The following GPC6 variants were observed in gnomAD, a reference collection of about 807,000 sequenced individuals.
GPC6 encodes the protein glypican 6, also known as glypican-6.
Under a neutral mutation model 55.2 loss-of-function variants are expected in GPC6, and 14 were observed. The observed-to-expected ratio is 0.25, with a 90% CI of 0.17 to 0.40. GPC6 has a LOEUF of 0.40. Ranked by LOEUF, GPC6 falls within the 10% of genes least tolerant of loss-of-function variation. The probability of loss-of-function intolerance (pLI) is 1.00; values close to 1 mark genes in which losing one functional copy is unlikely to be tolerated. For synonymous variants in GPC6, 278 were observed against 259.6 expected (o/e 1.07, Z -0.68); for missense variants, 641 against 708.5 (o/e 0.90, Z 1.08).
At chr13:94,345,445 A>G (rs1303209742) in intron 6 of GPC6, among the ~76,000 whole-genome samples, 1 of 152,210 alleles carries the variant, frequency 6.6e-6, no homozygotes, top group Non-Finnish European at 1.5e-5. Flanking sequence ...CAATTTACCA[A>G]ATCGTTACTA....
intron 3 of GPC6, among the ~76,000 whole-genome samples, chr13:93,851,769 A>G (rs1888410304): frequency 6.6e-6 from 1 of 151,844 alleles, no homozygotes; most frequent in African/African-American, 2.4e-5. Flanking sequence ...TCGCACAGTC[A>G]ACAGGATTTT....
At chr13:93,477,432 G>T (rs1879340901) in intron 1 of GPC6, among the ~76,000 whole-genome samples, 1 of 152,010 alleles carries the variant, frequency 6.6e-6, no homozygotes, top group African/African-American at 2.4e-5. Context: ...TTTTTCTTTT[G>T]CAACATTCCT....
At chr13:94,203,924 G>A (rs887325136) in intron 4 of GPC6, among the ~76,000 whole-genome samples, 2 of 151,854 alleles carry the variant, frequency 1.3e-5, no homozygotes, top group African/African-American at 4.8e-5. Context: ...TCTGTCACTG[G>A]TGTATCTGGA....
intron 2 of GPC6, among the ~76,000 whole-genome samples, chr13:93,822,286 C>A (rs946471041): frequency 1.3e-5 from 2 of 152,096 alleles, no homozygotes; most frequent in African/African-American, 4.8e-5. Context: ...GTTCTATACA[C>A]TGTAGTGATA....
intron 1 of GPC6, among the ~76,000 whole-genome samples, chr13:93,242,097 T>G (rs1876452657): frequency 1.3e-5 from 2 of 152,194 alleles, no homozygotes; most frequent in Non-Finnish European, 2.9e-5. Context: ...CAGTATTTTT[T>G]CAGTGGGTTG....
intron 4 of GPC6, among the ~76,000 whole-genome samples, chr13:94,229,486 C>T (rs952647335): frequency 2.0e-5 from 3 of 152,230 alleles, no homozygotes; most frequent in South Asian, 2.1e-4. Flanking sequence ...CCACTTGAAA[C>T]GTGTAGCCTG....
At chr13:94,006,543 A>G (rs1292910471) in intron 3 of GPC6, among the ~76,000 whole-genome samples, 6 of 152,196 alleles carry the variant, frequency 3.9e-5, no homozygotes, top group Non-Finnish European at 8.8e-5. Context: ...TTCTTACGCT[A>G]GTTGAAGTAA....
intron 1 of GPC6, among the ~76,000 whole-genome samples, chr13:93,291,629 T>G (rs900228394): frequency 3.3e-5 from 5 of 152,204 alleles, no homozygotes; most frequent in African/African-American, 1.2e-4. Context: ...CCTGAGTATT[T>G]TAATCCCATT....
intron 3 of GPC6, among the ~76,000 whole-genome samples, chr13:93,963,294 A>G (rs755885368): frequency 6.6e-6 from 1 of 152,044 alleles, no homozygotes; most frequent in African/African-American, 2.4e-5. Flanking sequence ...TATTTTAGCT[A>G]CTGAACAAAA....
At chr13:93,314,709 AGG>A (rs1228457605) in intron 1 of GPC6, among the ~76,000 whole-genome samples, 1 of 131,936 alleles carries the variant, frequency 7.6e-6, no homozygotes, top group South Asian at 2.5e-4. Context: ...GAAAACAAGG[AGG>A]GGTGTGTGTG....
intron 1 of GPC6, among the ~76,000 whole-genome samples, chr13:93,310,113 C>T (rs532698200): frequency 6.5e-4 from 99 of 152,180 alleles, no homozygotes; most frequent in Non-Finnish European, 1.2e-3. Context: ...CTCATAGAAT[C>T]GTACATGTCC....
intron 2 of GPC6, among the ~76,000 whole-genome samples, chr13:93,755,574 T>C (rs1373234464): frequency 6.6e-6 from 1 of 152,208 alleles, no homozygotes; most frequent in African/African-American, 2.4e-5. Context: ...ACTTTGCTTT[T>C]GTATCATTGT....
intron 2 of GPC6, among the ~76,000 whole-genome samples, chr13:93,717,221 G>A (rs1430829491): frequency 6.6e-6 from 1 of 151,702 alleles, no homozygotes; most frequent in Non-Finnish European, 1.5e-5. Context: ...AATGCAGATA[G>A]TTCAACTTGA....
At chr13:93,478,962 T>G (rs1325149853) in intron 1 of GPC6, among the ~76,000 whole-genome samples, 2 of 152,100 alleles carry the variant, frequency 1.3e-5, no homozygotes, top group African/African-American at 4.8e-5. Flanking sequence ...GCTACATGGG[T>G]GTACTCAGAA....
At chr13:94,201,907 C>T (rs1889762730) in intron 4 of GPC6, among the ~76,000 whole-genome samples, 1 of 152,088 alleles carries the variant, frequency 6.6e-6, no homozygotes. Context: ...CGAGATTGTG[C>T]CACTGCGCTC....
chr13:94,323,881 C>G (rs893072386), intron 6 of GPC6, among the ~76,000 whole-genome samples: 49 of 152,154 alleles, frequency 3.2e-4, no homozygotes, highest in African/African-American at 1.1e-3. Context: ...TGCCCCAGCC[C>G]TAGTCTTTAC....
intron 3 of GPC6, among the ~76,000 whole-genome samples, chr13:93,874,871 A>G (rs1445807127): frequency 6.6e-6 from 1 of 151,890 alleles, no homozygotes; most frequent in Non-Finnish European, 1.5e-5. Context: ...TTTTCTCCTT[A>G]AAATTTGCCA....
At chr13:93,883,886 G>A (rs1254580047) in intron 3 of GPC6, among the ~76,000 whole-genome samples, 2 of 152,170 alleles carry the variant, frequency 1.3e-5, no homozygotes, top group African/African-American at 2.4e-5. Flanking sequence ...TAAGCACAGT[G>A]TAAAACAAAA....
chr13:93,253,393 T>C (rs1225039449), intron 1 of GPC6, among the ~76,000 whole-genome samples: 2 of 152,244 alleles, frequency 1.3e-5, no homozygotes, highest in East Asian at 3.8e-4. Context: ...CTACTTAGGC[T>C]CTCTTACCTG....
Sources: gnomAD v4.1 joint callset for allele counts (sites outside exome capture counted in the v4.1 genomes callset) on GRCh38, gnomAD v4.1.1 for gene constraint, MANE v1.5 for transcripts, NCBI Gene and HGNC (gene_info 2026-07-23, HGNC 2026-07-21) for gene names.